The following TULP3 variants were observed in gnomAD, a reference collection of about 807,000 sequenced individuals.
TULP3 encodes tubby-related protein 3.
TULP3 carries 38 observed loss-of-function variants against 50.7 expected under a neutral mutation model. The observed-to-expected ratio is 0.75, with a 90% CI of 0.58 to 0.98. TULP3 has a LOEUF of 0.98. TULP3 is among the 50% of genes least tolerant of loss of function. TULP3 has a pLI of 0.00. For synonymous variants in TULP3, 183 were observed against 196.6 expected (o/e 0.93, Z 0.58); for missense variants, 550 against 568.0 (o/e 0.97, Z 0.32).
intron 2 of TULP3, among the ~76,000 whole-genome samples, chr12:2,911,534 T>A (rs12227583): frequency 6.6e-5 from 10 of 151,320 alleles, no homozygotes; most frequent in African/African-American, 1.5e-4. Flanking sequence ...TTTTTTATTT[T>A]TTTTTAATTT....
chr12:2,938,041 A>G (rs2098202510), intron 9 of TULP3, 73 bp from the exon 10 acceptor site: 1 of 1,491,174 alleles, frequency 6.7e-7, no homozygotes, highest in African/African-American at 1.4e-5. Context: ...TGGAGAAAGT[A>G]TTCTCCTACT....
At chr12:2,896,705 CA>C (rs1381954078) in intron 1 of TULP3, among the ~76,000 whole-genome samples, 3 of 152,136 alleles carry the variant, frequency 2.0e-5, no homozygotes, top group Non-Finnish European at 2.9e-5. Context: ...AATAAATCTA[CA>C]AGGTAGGTGC....
intron 1 of TULP3, among the ~76,000 whole-genome samples, chr12:2,900,215 C>G (rs1239879257): frequency 2.0e-5 from 3 of 152,152 alleles, no homozygotes; most frequent in Non-Finnish European, 4.4e-5. Context: ...GAGCAAGACT[C>G]TGTCTCAGAA....
At position 2,934,435 on chromosome 12, in the gene TULP3, T is replaced by C; in HGVS notation, c.810-12T>C. On this transcript the variant is annotated splice_polypyrimidine_tract_variant and intron_variant, in intron 7 of 10. Transcript: ENST00000448120. ...TACAGATCATCATGGTGACTTTTTCTCCTGACTCCAGATCCAACCTCATGG... is the reference window on the plus strand; with the variant it reads ...TACAGATCATCATGGTGACTTTTTCCCCTGACTCCAGATCCAACCTCATGG... The C allele has an allele frequency of 6.5e-7, 1 of 1,535,610 alleles. No homozygotes were observed. The highest frequency in any genetic ancestry group is 8.8e-7 in the Non-Finnish European group (1 of 1,141,230).
intron 4 of TULP3, among the ~76,000 whole-genome samples, chr12:2,929,635 G>T (rs2098196732): frequency 6.6e-6 from 1 of 151,626 alleles, no homozygotes; most frequent in Non-Finnish European, 1.5e-5. Flanking sequence ...CTGTCTCCCA[G>T]GCTATAGTAC....
chr12:2,911,550 A>C (rs2098185587), intron 2 of TULP3, among the ~76,000 whole-genome samples: 1 of 150,076 alleles, frequency 6.7e-6, no homozygotes, highest in African/African-American at 2.5e-5. Flanking sequence ...AATTTTTACT[A>C]GAGATGGGGT....
intron 1 of TULP3, among the ~76,000 whole-genome samples, chr12:2,900,694 A>T (rs7967040): frequency 4.3e-5 from 5 of 115,924 alleles, no homozygotes; most frequent in Admixed American, 1.7e-4. Flanking sequence ...GACCTTGCAG[A>T]TACTTTTTTT....
At chr12:2,928,460 G>T (rs1021899355) in intron 4 of TULP3, among the ~76,000 whole-genome samples, 53 of 152,030 alleles carry the variant, frequency 3.5e-4, no homozygotes, top group Non-Finnish European at 1.6e-4. Context: ...AACCTAGGAG[G>T]CGGAGGTTGC....
Position 2,940,454 on chromosome 12 carries a change from G to A in TULP3, c.*1010G>A. On this transcript the variant is annotated 3_prime_UTR_variant, in exon 11 of 11. Coordinates refer to ENST00000448120, the MANE Select transcript of TULP3 (RefSeq NM_003324.5). ...CTCAACCCTGGCTCAGGCACAGAAG[G>A]TGTTTTGCTACGTTTTTTTGATTAT... is the stretch of plus-strand genomic sequence containing the variant. 1 of 1,483,692 alleles carries A rather than the reference G, an allele frequency of 6.7e-7. No homozygotes were observed. The highest frequency in any genetic ancestry group is 9.0e-7 in the Non-Finnish European group (1 of 1,114,800). The allele number at this position is 1,483,692 out of a possible 1,614,324, so 91.9% of individuals were successfully genotyped here. A position where few individuals can be genotyped will look rare whatever the true frequency, so the allele number is the denominator to read the frequency against.
chr12:2,895,163 T>C (rs990019713), intron 1 of TULP3, among the ~76,000 whole-genome samples: 8 of 152,112 alleles, frequency 5.3e-5, no homozygotes, highest in African/African-American at 1.9e-4. Flanking sequence ...TCAGGAGGGG[T>C]TTACTCTAAA....
intron 4 of TULP3, among the ~76,000 whole-genome samples, chr12:2,925,580 T>C (rs2098194250): frequency 6.6e-6 from 1 of 152,190 alleles, no homozygotes; most frequent in South Asian, 2.1e-4. Flanking sequence ...TCATCTGATT[T>C]AATAGTTGTA....
intron 2 of TULP3, 49 bp from the exon 3 acceptor site, chr12:2,920,714 G>T: frequency 6.2e-7 from 1 of 1,605,764 alleles, no homozygotes; most frequent in Non-Finnish European, 8.5e-7. Context: ...GAAATGGTTA[G>T]GTCATGTCAA....
chr12:2,910,210 G>A (rs1302361088), intron 2 of TULP3, among the ~76,000 whole-genome samples: 2 of 152,210 alleles, frequency 1.3e-5, no homozygotes, highest in African/African-American at 2.4e-5. Flanking sequence ...GGAGAATGGC[G>A]TGAACCCAGG....
At position 2,911,664 on chromosome 12, in the gene TULP3, C is replaced by CTTTTTTTTTT. The variant is rs56027951; in HGVS notation, c.93+2118_93+2127dup. On this transcript the variant is annotated intron_variant, in intron 2 of 10. Coordinates refer to ENST00000448120, the MANE Select transcript of TULP3 (RefSeq NM_003324.5). Reference sequence around the variant, plus strand: ...ACAGGCGTGAGCCACTGCGCCCAGCCTTTTTTTTTTTTTTTTTTTTTTTTT... The same window carrying CTTTTTTTTTT: ...ACAGGCGTGAGCCACTGCGCCCAGCCTTTTTTTTTTTTTTTTTTTTTTTTTTTTTTTTTTT... 1.7e-3 allele frequency among the ~76,000 whole-genome samples: 65 copies of CTTTTTTTTTT among 38,172 alleles called. 7 individuals carry two copies. The highest frequency in any genetic ancestry group is 0.025 in the Middle Eastern group (1 of 40). 25.0% of individuals were successfully genotyped at this position (38,172 alleles called of 152,430 possible).
chr12:2,893,800 TA>T (rs1391333594), intron 1 of TULP3, among the ~76,000 whole-genome samples: 3 of 149,190 alleles, frequency 2.0e-5, no homozygotes, highest in Non-Finnish European at 3.0e-5. Context: ...TAACTACAAA[TA>T]TTTTTTTTAA....
chr12:2,921,048 C>G lies in TULP3; in HGVS notation c.253+126C>G, dbSNP rs546577846. The G allele has an allele frequency of 3.6e-6, 4 of 1,115,378 alleles. No individual in the cohort carries two copies. In the African/African-American group the frequency reaches 4.7e-5, roughly 13 times the overall value. The allele number at this position is 1,115,378 out of a possible 1,614,324, so 69.1% of individuals were successfully genotyped here. On this transcript the variant is annotated intron_variant, in intron 3 of 10. Coordinates refer to ENST00000448120, the MANE Select transcript of TULP3 (RefSeq NM_003324.5). ...ACCATTACTAGGTACCTTCATAAAT[C>G]TTTATAATCACATTTGGGGTCTTTG...
intron 4 of TULP3, among the ~76,000 whole-genome samples, chr12:2,924,275 G>A (rs2098193467): frequency 6.6e-6 from 1 of 152,156 alleles, no homozygotes; most frequent in South Asian, 2.1e-4. Flanking sequence ...CTCAGGGCGT[G>A]TGGTCATAGG....
chr12:2,940,131 A>C lies in TULP3; in HGVS notation c.*687A>C, dbSNP rs1386924509. ...CATTTCAATTAAGGCTGAAAGCATA[A>C]ACTCTAGAGGTGACTCAGTCAGGAC... is the stretch of plus-strand genomic sequence containing the variant. On this transcript the variant is annotated 3_prime_UTR_variant, in exon 11 of 11. Coordinates refer to ENST00000448120, the MANE Select transcript of TULP3 (RefSeq NM_003324.5). The C allele has an allele frequency of 9.7e-5, 126 of 1,294,128 alleles. No individual in the cohort carries two copies. Among genetic ancestry groups the C allele is most frequent in the Non-Finnish European group, 1.2e-4 (122 of 992,412 alleles). The allele number at this position is 1,294,128 out of a possible 1,614,324, so 80.2% of individuals were successfully genotyped here.
chr12:2,931,022 T>A lies in TULP3; in HGVS notation c.493-15T>A, dbSNP rs368048854. On this transcript the variant is annotated splice_polypyrimidine_tract_variant and intron_variant, in intron 5 of 10. Coordinates refer to ENST00000448120, the MANE Select transcript of TULP3 (RefSeq NM_003324.5). ...GTCTCGGCCTGTTGTTGCTCATGTA[T>A]GGCTGTCCTTTCAGGATACAGGCAC... 263 of 1,613,924 alleles carry A rather than the reference T, an allele frequency of 1.6e-4. No homozygotes were observed. The highest frequency in any genetic ancestry group is 2.2e-4 in the Non-Finnish European group (258 of 1,179,946).
Sources: gnomAD v4.1 joint callset for allele counts (sites outside exome capture counted in the v4.1 genomes callset) on GRCh38, gnomAD v4.1.1 for gene constraint, MANE v1.5 for transcripts, NCBI Gene and HGNC (gene_info 2026-07-23, HGNC 2026-07-21) for gene names.